Variants in MBNL2 observed in about 807,000 individuals in gnomAD.
MBNL2 encodes the protein muscleblind like splicing regulator 2.
In MBNL2, 17 loss-of-function variants were observed where a neutral mutation model predicts 41.9. The ratio of observed to expected loss-of-function variants is 0.41; its 90% CI spans 0.28 to 0.61. The LOEUF (loss-of-function observed/expected upper bound fraction) is 0.61. Ranked by LOEUF, MBNL2 falls within the 20% of genes least tolerant of loss-of-function variation. MBNL2 has a pLI of 0.35. For missense variants in MBNL2, 336 were observed against 505.6 expected (o/e 0.66, Z 3.22); for synonymous variants, 195 against 182.9 (o/e 1.07, Z -0.53).
the MBNL2 span, among the ~76,000 whole-genome samples, chr13:97,195,883 G>A: frequency 6.6e-6 from 1 of 152,092 alleles, no homozygotes; most frequent in Non-Finnish European, 1.5e-5. Context: ...AGCAAGTGTT[G>A]CTGTATACAT....
the MBNL2 span, among the ~76,000 whole-genome samples, chr13:97,157,821 A>G: frequency 2.0e-5 from 3 of 151,860 alleles, no homozygotes; most frequent in Non-Finnish European, 4.4e-5. Context: ...GGATTTTTGC[A>G]TCAATGTTCA....
At chr13:97,164,246 G>C in the MBNL2 span, among the ~76,000 whole-genome samples, 1 of 152,216 alleles carries the variant, frequency 6.6e-6, no homozygotes, top group Non-Finnish European at 1.5e-5. Flanking sequence ...GGACTCAAGC[G>C]ATCCACTCTC....
intron 2 of MBNL2, among the ~76,000 whole-genome samples, chr13:97,279,751 A>G (rs536796774): frequency 5.4e-4 from 82 of 152,298 alleles, no homozygotes; most frequent in Non-Finnish European, 1.8e-4. Context: ...TATTGTTGTT[A>G]TATGTTATTT....
In MBNL2 at chr13:97,346,918, A is replaced by G. The variant is rs767622462; in HGVS notation, c.655A>G (p.Met219Val). The G allele has an allele frequency of 6.2e-7, 1 of 1,614,004 alleles. No individual in the cohort carries two copies. Among genetic ancestry groups the G allele is most frequent in the Non-Finnish European group, 8.5e-7 (1 of 1,179,980 alleles). ...AAGTGACAACACCGTAACCGTTTGT[A>G]TGGATTACATAAAGGGGCGTTGCAT... ...DTSDNTVTVC[M>V]DYIKGRCMRE... Residue 219 changes from methionine to valine, a missense_variant, in exon 5 of 9, where the codon ATG becomes GTG. By Grantham distance (21) the Met-to-Val change is conservative. Coordinates refer to ENST00000679496, the MANE Select transcript of MBNL2 (RefSeq NM_001382683.1). This position sits in a 1 kb window ranked among gnomAD's most constrained non-coding sequence, Gnocchi z 4.2.
chr13:97,242,136 C>T (rs144351204), intron 1 of MBNL2, among the ~76,000 whole-genome samples: 156 of 152,300 alleles, frequency 1.0e-3, no homozygotes, highest in Non-Finnish European at 1.9e-3. Context: ...ATTTTGACGA[C>T]ACCACTGCCC....
At chr13:97,216,351 G>C in the MBNL2 span, among the ~76,000 whole-genome samples, 1 of 152,076 alleles carries the variant, frequency 6.6e-6, no homozygotes, top group South Asian at 2.1e-4. Context: ...TTAATGCAAG[G>C]TCTGTACCCT....
the MBNL2 span, among the ~76,000 whole-genome samples, chr13:97,159,351 G>A: frequency 1.3e-4 from 20 of 151,916 alleles, no homozygotes; most frequent in Middle Eastern, 3.4e-3. Context: ...TCTTTATCCA[G>A]TTTGCCAGTC....
At chr13:97,146,956 A>G in the MBNL2 span, among the ~76,000 whole-genome samples, 1 of 152,246 alleles carries the variant, frequency 6.6e-6, no homozygotes, top group East Asian at 1.9e-4. Context: ...GCTATGGACC[A>G]CAGCAGACCT....
At position 97,227,924 on chromosome 13, in the gene MBNL2, G is replaced by A. The variant is rs537946565; in HGVS notation, c.-605+5393G>A. Among the ~76,000 whole-genome samples the A allele has an allele frequency of 4.6e-5, 7 of 152,264 alleles. No individual in the cohort carries two copies. In the South Asian group the frequency reaches 8.3e-4, roughly 18 times the overall value. ...CCCCAAATGGTCACACAGAAGTAAG[G>A]TGCTTCTAGAACAGAAAATCCATGC... On this transcript the variant is annotated intron_variant, in intron 1 of 8. Transcript: ENST00000679496.
rs138492231 is a variant in MBNL2 at position 97,320,864 on chromosome 13, G to A, written c.175-13412G>A. On this transcript the variant is annotated intron_variant, in intron 2 of 8. Transcript: ENST00000679496. The stretch of plus-strand genomic sequence containing the variant: ...CGGGAGGCGGAGGTTGCAGTGAGCC[G>A]AGATCGCACCACTGCACTCCAGCCT... Among the ~76,000 whole-genome samples, 362 of 152,098 alleles carry A rather than the reference G, an allele frequency of 2.4e-3. 1 individual carries two copies. Among genetic ancestry groups the A allele is most frequent in the African/African-American group, 8.3e-3 (346 of 41,516 alleles).
At chr13:97,194,961 T>C in the MBNL2 span, among the ~76,000 whole-genome samples, 7 of 152,284 alleles carry the variant, frequency 4.6e-5, no homozygotes, top group African/African-American at 1.7e-4. Context: ...AAAGTAACCA[T>C]AAAAATAGCC....
chr13:97,208,536 G>A, the MBNL2 span, among the ~76,000 whole-genome samples: 115 of 152,244 alleles, frequency 7.6e-4, no homozygotes, highest in East Asian at 5.8e-3. Context: ...CAATCTCCCG[G>A]GGTGTAGAAA....
At chr13:97,252,925 C>T (rs760551535) in intron 1 of MBNL2, among the ~76,000 whole-genome samples, 6 of 152,144 alleles carry the variant, frequency 3.9e-5, no homozygotes, top group Non-Finnish European at 7.4e-5. Flanking sequence ...TTTCGAACAG[C>T]TTCTTTTCTG....
chr13:97,360,494 C>T (rs1566440574), intron 7 of MBNL2, among the ~76,000 whole-genome samples: 1 of 151,932 alleles, frequency 6.6e-6, no homozygotes. Context: ...AGTGGCAAAA[C>T]CACACACACT....
chr13:97,274,645 G>A (rs1246913374), intron 1 of MBNL2, among the ~76,000 whole-genome samples: 1 of 152,196 alleles, frequency 6.6e-6, no homozygotes, highest in Non-Finnish European at 1.5e-5. Flanking sequence ...CAGCAGGTAT[G>A]TAAGGTCATT....
chr13:97,306,712 G>C (rs1481341571), intron 2 of MBNL2, among the ~76,000 whole-genome samples: 1 of 152,172 alleles, frequency 6.6e-6, no homozygotes, highest in Non-Finnish European at 1.5e-5. Flanking sequence ...GGGCTTCCCA[G>C]CACCAGAAAG....
chr13:97,181,053 A>G, the MBNL2 span, among the ~76,000 whole-genome samples: 1 of 151,874 alleles, frequency 6.6e-6, no homozygotes, highest in African/African-American at 2.4e-5. Context: ...CCAGCAGCAC[A>G]GTGTAGCATC....
At chr13:97,353,858 A>G (rs940522632) in intron 5 of MBNL2, among the ~76,000 whole-genome samples, 5 of 151,726 alleles carry the variant, frequency 3.3e-5, no homozygotes, top group Admixed American at 1.3e-4. Flanking sequence ...TTGTTCAGGA[A>G]AGTCTGTACA....
At chr13:97,262,973 A>T (rs1347610245) in intron 1 of MBNL2, among the ~76,000 whole-genome samples, 1 of 151,964 alleles carries the variant, frequency 6.6e-6, no homozygotes, top group East Asian at 1.9e-4. Context: ...TTTTTTTGGT[A>T]GAGTAGTTTC....
Sources: allele counts gnomAD v4.1 joint callset (sites outside exome capture counted in the v4.1 genomes callset), GRCh38; gene constraint gnomAD v4.1.1; non-coding constraint Gnocchi (gnomAD v3.1); transcripts MANE v1.5; gene names NCBI Gene and HGNC (gene_info 2026-07-23, HGNC 2026-07-21).